Variants in ACVR1B observed in about 807,000 individuals in gnomAD.
The protein encoded by ACVR1B is activin A receptor type 1B.
Under a neutral mutation model 55.6 loss-of-function variants are expected in ACVR1B, and 15 were observed. The observed-to-expected ratio is 0.27, with a 90% CI of 0.18 to 0.42. ACVR1B has a LOEUF of 0.42. ACVR1B is among the 10% of genes least tolerant of loss of function. ACVR1B has a pLI of 1.00. For synonymous variants in ACVR1B, 247 were observed against 254.6 expected (o/e 0.97, Z 0.28); for missense variants, 359 against 670.1 (o/e 0.54, Z 5.13).
rs181944423 is a variant in ACVR1B, at chr12:51,976,597, C to T, written c.580+22C>T. The T allele has an allele frequency of 2.5e-6, 4 of 1,610,826 alleles. No homozygotes were observed. In the Admixed American group the frequency reaches 6.7e-5, roughly 27 times the overall value. On this transcript the variant is annotated intron_variant, in intron 3 of 8. Coordinates refer to ENST00000257963, the MANE Select transcript of ACVR1B (RefSeq NM_004302.5). ...TCAGGTACCAAGTTCTTCAGGGCAT[C>T]ATGTCTGTGGTTGGCTTTCATCAGT...
At chr12:51,978,699 C>CG (rs60497574) in intron 3 of ACVR1B, among the ~76,000 whole-genome samples, 146,066 of 151,838 alleles carry the variant, frequency 0.96, 70,285 homozygotes, top group East Asian at 1. Flanking sequence ...GGCGTGGTGG[C>CG]GGCGCCTGTA....
intron 7 of ACVR1B, among the ~76,000 whole-genome samples, chr12:51,989,901 C>T (rs371938512): frequency 1.3e-5 from 2 of 152,180 alleles, no homozygotes; most frequent in East Asian, 3.9e-4. Flanking sequence ...AGGAGAATCA[C>T]GTGAACCAAG....
intron 4 of ACVR1B, 138 bp from the exon 5 acceptor site, chr12:51,983,861 C>A: frequency 1.2e-6 from 1 of 816,320 alleles, no homozygotes; most frequent in Admixed American, 2.4e-5. Flanking sequence ...CTAGATGGGG[C>A]TTCAGGGGGC....
At chr12:51,975,875 G>T (rs969490864) in intron 2 of ACVR1B, among the ~76,000 whole-genome samples, 3 of 152,242 alleles carry the variant, frequency 2.0e-5, no homozygotes, top group African/African-American at 7.2e-5. Context: ...GGTTAGATGT[G>T]AGGAGGGACC....
intron 7 of ACVR1B, among the ~76,000 whole-genome samples, chr12:51,990,507 G>C (rs1185920373): frequency 6.6e-6 from 1 of 151,436 alleles, no homozygotes; most frequent in Non-Finnish European, 1.5e-5. Context: ...TGGAGACAAG[G>C]GTTTTGCCAT....
chr12:51,974,451 C>T (rs947478019), intron 1 of ACVR1B, among the ~76,000 whole-genome samples: 2 of 149,452 alleles, frequency 1.3e-5, no homozygotes, highest in African/African-American at 5.1e-5. Context: ...GATAGTTACC[C>T]AGCAAAACTC....
intron 5 of ACVR1B, 22 bp downstream of exon 5, chr12:51,984,188 C>T (rs1383675822): frequency 4.3e-6 from 7 of 1,613,242 alleles, no homozygotes; most frequent in East Asian, 4.5e-5. Context: ...AGCGCAGGAG[C>T]GGCGAAGTGG....
chr12:51,953,350 C>T, intron 1 of ACVR1B: 1 of 985,394 alleles, frequency 1.0e-6, no homozygotes, highest in Non-Finnish European at 1.2e-6. Context: ...AGTGGTGGAG[C>T]CTGTGCAGCG....
intron 1 of ACVR1B, among the ~76,000 whole-genome samples, chr12:51,968,937 T>A (rs1328186493): frequency 6.6e-6 from 1 of 152,174 alleles, no homozygotes; most frequent in Non-Finnish European, 1.5e-5. Context: ...AAATCAGAAA[T>A]CTGCAATGCT....
chr12:51,981,315 T>A, intron 4 of ACVR1B, 116 bp downstream of exon 4: 1 of 842,410 alleles, frequency 1.2e-6, no homozygotes, highest in South Asian at 1.8e-5. Context: ...AAAGAAAACT[T>A]GAGTAAGGTC....
rs185068803 is a variant in ACVR1B, at chr12:51,957,596, G to A, written c.91+5762G>A. On this transcript the variant is annotated intron_variant, in intron 1 of 8. Transcript: ENST00000257963. ...AATGTTTAAATTTTTTGTAGAGATG[G>A]GGTCTCACTTGTTGCCCAGGCTGGT... is the stretch of plus-strand genomic sequence containing the variant. 4.4e-3 allele frequency among the ~76,000 whole-genome samples: 671 copies of A among 152,158 alleles called. 1 individual carries two copies. Among genetic ancestry groups the A allele is most frequent in the African/African-American group, 0.014 (582 of 41,516 alleles).
At chr12:51,966,618 T>C (rs1469408029) in intron 1 of ACVR1B, among the ~76,000 whole-genome samples, 1 of 152,126 alleles carries the variant, frequency 6.6e-6, no homozygotes, top group African/African-American at 2.4e-5. Context: ...CTAGCTGATA[T>C]GTTTACTTTT....
intron 1 of ACVR1B, among the ~76,000 whole-genome samples, chr12:51,967,978 T>C (rs1053933926): frequency 3.3e-5 from 5 of 152,236 alleles, no homozygotes; most frequent in Non-Finnish European, 5.9e-5. Flanking sequence ...CTCATGCCTG[T>C]AAGCCCAGCA....
At chr12:51,962,728 G>A (rs1051115331) in intron 1 of ACVR1B, among the ~76,000 whole-genome samples, 3 of 152,114 alleles carry the variant, frequency 2.0e-5, no homozygotes, top group African/African-American at 7.2e-5. Flanking sequence ...CAGTTGTCTA[G>A]ATCAGTAGCT....
chr12:51,962,338 A>G (rs935591385), intron 1 of ACVR1B, among the ~76,000 whole-genome samples: 10 of 151,974 alleles, frequency 6.6e-5, no homozygotes, highest in African/African-American at 2.4e-4. Flanking sequence ...TTTTTTTCAT[A>G]AGTACTTTTT....
chr12:51,961,268 G>T (rs757124923), intron 1 of ACVR1B, among the ~76,000 whole-genome samples: 10 of 152,140 alleles, frequency 6.6e-5, no homozygotes, highest in Admixed American at 1.3e-4. Flanking sequence ...ACAGAGCCTT[G>T]CATGTTTCAA....
intron 1 of ACVR1B, among the ~76,000 whole-genome samples, chr12:51,971,402 G>A (rs1027205899): frequency 6.6e-6 from 1 of 152,178 alleles, no homozygotes; most frequent in African/African-American, 2.4e-5. Flanking sequence ...TTGTTTATGT[G>A]TAGAGTGATT....
Position 51,976,579 on chromosome 12 carries a change from C to A in ACVR1B, c.580+4C>A. On this transcript the variant is annotated splice_donor_region_variant and intron_variant, in intron 3 of 8. Coordinates refer to ENST00000257963, the MANE Select transcript of ACVR1B (RefSeq NM_004302.5). ...TCCACCTCAGGGTCTGGCTCAGGTA[C>A]CAAGTTCTTCAGGGCATCATGTCTG... 6.2e-7 allele frequency: 1 copy of A among 1,612,490 alleles called. No homozygotes were observed. Among genetic ancestry groups the A allele is most frequent in the Non-Finnish European group, 8.5e-7 (1 of 1,179,862 alleles).
intron 1 of ACVR1B, among the ~76,000 whole-genome samples, chr12:51,973,718 C>G (rs1675604910): frequency 6.6e-6 from 1 of 152,178 alleles, no homozygotes; most frequent in Non-Finnish European, 1.5e-5. Flanking sequence ...TACCCAAACT[C>G]TGAAGCAAGA....
Sources: allele counts gnomAD v4.1 joint callset (sites outside exome capture counted in the v4.1 genomes callset), GRCh38; gene constraint gnomAD v4.1.1; transcripts MANE v1.5; gene names NCBI Gene and HGNC (gene_info 2026-07-23, HGNC 2026-07-21).